Variants in LINGO2 observed in about 807,000 individuals in gnomAD.
The protein encoded by LINGO2 is leucine rich repeat and Ig domain containing 2, also known as leucine-rich repeat and immunoglobulin-like domain-containing nogo receptor-interacting protein 2.
A neutral mutation model predicts 30.6 loss-of-function variants in LINGO2; 14 were observed. The observed-to-expected ratio is 0.46, with a 90% CI of 0.30 to 0.72. The LOEUF (loss-of-function observed/expected upper bound fraction) is 0.72. Ranked by LOEUF, LINGO2 falls within the 30% of genes least tolerant of loss-of-function variation. The pLI is 0.07. For missense variants in LINGO2, 729 were observed against 751.7 expected (o/e 0.97, Z 0.35); for synonymous variants, 317 against 288.5 (o/e 1.10, Z -1.00).
At chr9:29,164,789 A>C in the LINGO2 span, among the ~76,000 whole-genome samples, 3 of 152,142 alleles carry the variant, frequency 2.0e-5, no homozygotes, top group African/African-American at 7.2e-5. Context: ...TGCAAAGTAT[A>C]AGAATTGAAT....
chr9:28,504,862 T>G (rs1404945960), intron 1 of LINGO2, among the ~76,000 whole-genome samples: 1 of 151,570 alleles, frequency 6.6e-6, no homozygotes, highest in African/African-American at 2.4e-5. Context: ...GTATTTGGAG[T>G]TAGAAAGGCT....
the LINGO2 span, among the ~76,000 whole-genome samples, chr9:28,924,086 C>A: frequency 6.6e-6 from 1 of 152,204 alleles, no homozygotes; most frequent in Non-Finnish European, 1.5e-5. Context: ...AGTGGAATTG[C>A]ACTTTGAATA....
chr9:28,607,468 A>C (rs1327718769), intron 1 of LINGO2, among the ~76,000 whole-genome samples: 1 of 152,100 alleles, frequency 6.6e-6, no homozygotes, highest in Admixed American at 6.6e-5. Context: ...ACTTGAGCAA[A>C]ATAGTAGACA....
At chr9:28,826,307 T>G in the LINGO2 span, among the ~76,000 whole-genome samples, 1 of 152,142 alleles carries the variant, frequency 6.6e-6, no homozygotes, top group South Asian at 2.1e-4. Flanking sequence ...AAAAGACTTT[T>G]GAAAAATTAA....
the LINGO2 span, among the ~76,000 whole-genome samples, chr9:29,007,639 C>T: frequency 6.6e-6 from 1 of 151,960 alleles, no homozygotes; most frequent in African/African-American, 2.4e-5. Flanking sequence ...GGAAGCAGCC[C>T]TCAACCAATA....
chr9:28,610,432 C>A (rs1371131777), intron 1 of LINGO2, among the ~76,000 whole-genome samples: 3 of 151,954 alleles, frequency 2.0e-5, no homozygotes, highest in African/African-American at 7.3e-5. Context: ...AAACGTAATC[C>A]CCAATGTACT....
chr9:28,756,783 T>C, the LINGO2 span, among the ~76,000 whole-genome samples: 2 of 151,968 alleles, frequency 1.3e-5, no homozygotes, highest in African/African-American at 4.8e-5. Context: ...AGGTAAGACA[T>C]GCCTTCTTCC....
At chr9:28,111,720 A>AT (rs1826797733) in intron 4 of LINGO2, among the ~76,000 whole-genome samples, 1 of 152,158 alleles carries the variant, frequency 6.6e-6, no homozygotes, top group Non-Finnish European at 1.5e-5. Context: ...CTTCACCCAT[A>AT]TTAATTGATC....
At chr9:28,516,641 C>G (rs1163402993) in intron 1 of LINGO2, among the ~76,000 whole-genome samples, 3 of 152,124 alleles carry the variant, frequency 2.0e-5, no homozygotes, top group Non-Finnish European at 4.4e-5. Context: ...AAATTTAAAA[C>G]CAAGGTGTAA....
intron 4 of LINGO2, among the ~76,000 whole-genome samples, chr9:28,248,915 G>C (rs1052208806): frequency 6.6e-6 from 1 of 152,114 alleles, no homozygotes; most frequent in African/African-American, 2.4e-5. Flanking sequence ...CACACCAAGA[G>C]AGAGTTATTA....
At chr9:27,995,713 A>G (rs1330747717) in intron 5 of LINGO2, among the ~76,000 whole-genome samples, 1 of 152,168 alleles carries the variant, frequency 6.6e-6, no homozygotes, top group African/African-American at 2.4e-5. Context: ...GAAGTAATAT[A>G]CCTCTAAACA....
At chr9:28,885,656 C>G in the LINGO2 span, among the ~76,000 whole-genome samples, 621 of 152,046 alleles carry the variant, frequency 4.1e-3, 3 homozygotes, top group Non-Finnish European at 6.9e-3. Context: ...AAGATTTTTA[C>G]AAGAACTGGT....
At chr9:29,006,452 T>C in the LINGO2 span, among the ~76,000 whole-genome samples, 1 of 152,058 alleles carries the variant, frequency 6.6e-6, no homozygotes, top group Admixed American at 6.6e-5. Context: ...TTTCTAAGTG[T>C]CTGGCATACA....
chr9:28,151,597 A>C (rs1828001736), intron 4 of LINGO2, among the ~76,000 whole-genome samples: 1 of 151,870 alleles, frequency 6.6e-6, no homozygotes, highest in African/African-American at 2.4e-5. Context: ...TAATTAGAAA[A>C]TAGTATTATG....
intron 4 of LINGO2, among the ~76,000 whole-genome samples, chr9:28,152,226 G>A (rs1312048132): frequency 1.3e-5 from 2 of 152,060 alleles, no homozygotes; most frequent in African/African-American, 2.4e-5. Flanking sequence ...TTCAGGGTTT[G>A]GGGAGGCAGT....
At chr9:28,625,979 T>A (rs1030360799) in intron 1 of LINGO2, among the ~76,000 whole-genome samples, 4 of 150,888 alleles carry the variant, frequency 2.7e-5, no homozygotes, top group African/African-American at 9.8e-5. Flanking sequence ...AGTGTGTATG[T>A]TTGACTTTAC....
At chr9:28,879,894 G>C in the LINGO2 span, among the ~76,000 whole-genome samples, 7 of 152,146 alleles carry the variant, frequency 4.6e-5, no homozygotes, top group Admixed American at 4.6e-4. Context: ...GAATCAGAAA[G>C]CCTATGTGTA....
At chr9:27,961,220 T>C (rs956769613) in intron 5 of LINGO2, among the ~76,000 whole-genome samples, 1 of 152,188 alleles carries the variant, frequency 6.6e-6, no homozygotes, top group Non-Finnish European at 1.5e-5. Context: ...TAAGCTATGG[T>C]GTATTTTCAA....
the LINGO2 span, among the ~76,000 whole-genome samples, chr9:28,715,436 T>G: frequency 6.6e-6 from 1 of 152,126 alleles, no homozygotes; most frequent in Non-Finnish European, 1.5e-5. Context: ...GGGTAATGTA[T>G]CTAAGATTAA....
Sources: allele counts gnomAD v4.1 joint callset (sites outside exome capture counted in the v4.1 genomes callset), GRCh38; gene constraint gnomAD v4.1.1; transcripts MANE v1.5; gene names NCBI Gene and HGNC (gene_info 2026-07-23, HGNC 2026-07-21).